Variants in GMDS observed in about 807,000 individuals in gnomAD.
The protein encoded by GMDS is GDP-mannose 4,6-dehydratase, also known as GDP-mannose 4,6 dehydratase.
GMDS carries 20 observed loss-of-function variants against 49.9 expected under a neutral mutation model. The observed-to-expected ratio is 0.40, with a 90% CI of 0.28 to 0.58. The LOEUF (loss-of-function observed/expected upper bound fraction) is 0.58, where lower values mean the gene tolerates loss of function less well. Among genes scored for constraint, GMDS ranks in the 20% least tolerant of loss-of-function variants. GMDS has a pLI of 0.42. For missense variants in GMDS, 362 were observed against 481.4 expected (o/e 0.75, Z 2.32); for synonymous variants, 177 against 178.6 (o/e 0.99, Z 0.07).
intron 1 of GMDS, among the ~76,000 whole-genome samples, chr6:2,222,594 T>C (rs749870674): frequency 2.6e-5 from 4 of 152,192 alleles, no homozygotes; most frequent in Non-Finnish European, 2.9e-5. Context: ...TAGACGCAAT[T>C]ACCAGCCAAT....
chr6:2,040,558 C>A (rs988292780), intron 4 of GMDS, among the ~76,000 whole-genome samples: 1 of 152,132 alleles, frequency 6.6e-6, no homozygotes, highest in Non-Finnish European at 1.5e-5. Context: ...TTTCCAGCAG[C>A]AATGTACATT....
At chr6:1,737,973 CAT>C (rs1263371420) in intron 8 of GMDS, among the ~76,000 whole-genome samples, 4 of 147,700 alleles carry the variant, frequency 2.7e-5, no homozygotes, top group Admixed American at 6.7e-5. Flanking sequence ...CATACACACA[CAT>C]ACACACACAC....
chr6:2,087,855 G>A (rs181506642), intron 4 of GMDS, among the ~76,000 whole-genome samples: 1 of 152,230 alleles, frequency 6.6e-6, no homozygotes, highest in Admixed American at 6.5e-5. Context: ...TATAATCAAG[G>A]TAGATTATCT....
At chr6:1,743,468 G>C (rs532761353) in intron 7 of GMDS, among the ~76,000 whole-genome samples, 4 of 147,156 alleles carry the variant, frequency 2.7e-5, no homozygotes, top group Admixed American at 6.8e-5. Flanking sequence ...GCGTGAACCC[G>C]GGAGGCGGAG....
At chr6:1,646,036 A>C (rs1391693891) in intron 9 of GMDS, among the ~76,000 whole-genome samples, 5 of 152,204 alleles carry the variant, frequency 3.3e-5, no homozygotes, top group African/African-American at 1.2e-4. Flanking sequence ...GCCTCAAGGG[A>C]TGTTTAAAAC....
intron 1 of GMDS, among the ~76,000 whole-genome samples, chr6:2,204,792 TC>T (rs1400763595): frequency 6.6e-6 from 1 of 152,196 alleles, no homozygotes; most frequent in East Asian, 1.9e-4. Context: ...TCATATAATG[TC>T]CCTTTCGCCT....
At chr6:2,097,600 CATT>C (rs1773682323) in intron 4 of GMDS, among the ~76,000 whole-genome samples, 1 of 152,250 alleles carries the variant, frequency 6.6e-6, no homozygotes, top group Admixed American at 6.5e-5. Context: ...TCTTTGCCAT[CATT>C]ATTACACAGG....
chr6:2,176,884 T>C (rs1485433873), intron 1 of GMDS, among the ~76,000 whole-genome samples: 1 of 151,902 alleles, frequency 6.6e-6, no homozygotes, highest in East Asian at 1.9e-4. Context: ...AGGGGACACC[T>C]CGAAAAGATG....
chr6:1,969,944 G>C (rs1320080546), intron 4 of GMDS, among the ~76,000 whole-genome samples: 2 of 152,148 alleles, frequency 1.3e-5, no homozygotes, highest in East Asian at 1.9e-4. Flanking sequence ...GAGTACTCAG[G>C]AATATTACTT....
intron 7 of GMDS, among the ~76,000 whole-genome samples, chr6:1,823,214 C>T (rs1770969286): frequency 3.9e-5 from 6 of 152,146 alleles, no homozygotes; most frequent in Admixed American, 3.9e-4. Context: ...TAGAGCCAAA[C>T]ACAGCATGGT....
At chr6:1,645,512 C>T (rs928030970) in intron 9 of GMDS, among the ~76,000 whole-genome samples, 4 of 152,218 alleles carry the variant, frequency 2.6e-5, no homozygotes, top group African/African-American at 4.8e-5. Context: ...CCTGGAGGTC[C>T]GGAGCCCTCG....
At chr6:2,024,453 GAAAGGC>G (rs1473688405) in intron 4 of GMDS, among the ~76,000 whole-genome samples, 3 of 152,058 alleles carry the variant, frequency 2.0e-5, no homozygotes, top group African/African-American at 7.2e-5. Flanking sequence ...TAATTGGAAA[GAAAGGC>G]AAACAAGAGA....
chr6:1,625,682 A>G (rs1202026516), intron 9 of GMDS, among the ~76,000 whole-genome samples: 4 of 152,252 alleles, frequency 2.6e-5, no homozygotes, highest in African/African-American at 9.6e-5. Context: ...GAATTACAAA[A>G]TAGGAAAGAA....
chr6:1,631,066 G>A (rs1215384413), intron 9 of GMDS, among the ~76,000 whole-genome samples: 2 of 152,156 alleles, frequency 1.3e-5, no homozygotes, highest in Admixed American at 6.5e-5. Context: ...GCAAAACCCC[G>A]AGGACAGGAG....
chr6:1,751,066 C>G (rs1767703234), intron 7 of GMDS, among the ~76,000 whole-genome samples: 1 of 152,184 alleles, frequency 6.6e-6, no homozygotes, highest in Non-Finnish European at 1.5e-5. Context: ...AAGGCAGCAA[C>G]CCCAGTCAGG....
chr6:1,664,562 G>T (rs1013545090), intron 9 of GMDS, among the ~76,000 whole-genome samples: 1 of 152,154 alleles, frequency 6.6e-6, no homozygotes, highest in East Asian at 1.9e-4. Context: ...GGCACAGCAC[G>T]GACAATCACA....
chr6:1,905,168 G>T (rs896851360), intron 7 of GMDS, among the ~76,000 whole-genome samples: 21 of 152,242 alleles, frequency 1.4e-4, no homozygotes, highest in Non-Finnish European at 1.6e-4. Flanking sequence ...TTATTCTCAG[G>T]GCAGCTGTGA....
chr6:1,953,875 T>C (rs1428659527), intron 6 of GMDS, among the ~76,000 whole-genome samples: 1 of 152,164 alleles, frequency 6.6e-6, no homozygotes, highest in Non-Finnish European at 1.5e-5. Context: ...ACTTATATAA[T>C]AATTAATATC....
At chr6:1,675,138 T>C (rs1368102407) in intron 9 of GMDS, among the ~76,000 whole-genome samples, 1 of 152,094 alleles carries the variant, frequency 6.6e-6, no homozygotes, top group Non-Finnish European at 1.5e-5. Flanking sequence ...AGTTTCTCCA[T>C]GTTGGTCAGG....
Sources: gnomAD v4.1 joint callset for allele counts (sites outside exome capture counted in the v4.1 genomes callset) on GRCh38, gnomAD v4.1.1 for gene constraint, MANE v1.5 for transcripts, NCBI Gene and HGNC (gene_info 2026-07-23, HGNC 2026-07-21) for gene names.